Variants in MEGF10 observed in about 807,000 individuals in gnomAD.
MEGF10 encodes the protein multiple epidermal growth factor-like domains protein 10.
MEGF10 carries 86 observed loss-of-function variants against 147.5 expected under a neutral mutation model. The ratio of observed to expected loss-of-function variants is 0.58; its 90% CI spans 0.49 to 0.70. The LOEUF is 0.70. MEGF10 is among the 30% of genes least tolerant of loss of function. The pLI, the probability that MEGF10 is intolerant of heterozygous loss-of-function variation, is 0.00. For synonymous variants in MEGF10, 478 were observed against 525.5 expected, an observed-to-expected ratio of 0.91 and a Z score of 1.24; for missense variants, 1,329 against 1,487.3, an observed-to-expected ratio of 0.89 and a Z score of 1.75.
In MEGF10 at chr5:127,377,907, T is replaced by G. The variant is rs1289663147; in HGVS notation, c.412+7905T>G. ...ATAAGAGTAGATCAGTTGGGTTCAC[T>G]GGTGTTAGGGTCAGGCTGATGATGA... On this transcript the variant is annotated intron_variant, in intron 5 of 24. Transcript: ENST00000503335. 4.6e-5 allele frequency among the ~76,000 whole-genome samples: 7 copies of G among 152,168 alleles called. 1 individual carries two copies. The highest frequency in any genetic ancestry group is 6.5e-5 in the Admixed American group (1 of 15,284).
intron 5 of MEGF10, among the ~76,000 whole-genome samples, chr5:127,372,443 A>G (rs962778795): frequency 2.6e-5 from 4 of 152,216 alleles, no homozygotes; most frequent in Non-Finnish European, 4.4e-5. Context: ...GAAACTGACC[A>G]TAGTATATTA....
intron 7 of MEGF10, among the ~76,000 whole-genome samples, chr5:127,399,422 A>G (rs1311377132): frequency 6.6e-6 from 1 of 152,224 alleles, no homozygotes; most frequent in African/African-American, 2.4e-5. Flanking sequence ...CAAATTAGAC[A>G]TCTGAAATCA....
At chr5:127,265,302 C>T in the MEGF10 span, among the ~76,000 whole-genome samples, 6 of 152,264 alleles carry the variant, frequency 3.9e-5, no homozygotes, top group African/African-American at 1.4e-4. Flanking sequence ...GCCACATTTT[C>T]TTAATCCAGT....
intron 16 of MEGF10, among the ~76,000 whole-genome samples, chr5:127,436,382 AT>A (rs900909922): frequency 2.0e-5 from 3 of 152,100 alleles, no homozygotes; most frequent in African/African-American, 7.2e-5. Context: ...GCTGTACCCC[AT>A]TTTTTAGGAA....
Position 127,440,795 on chromosome 5 carries a change from G to T in MEGF10, c.2290G>T (p.Gly764Ter). 6.2e-7 allele frequency: 1 copy of T among 1,614,112 alleles called. No individual in the cohort carries two copies. The highest frequency in any genetic ancestry group is 8.5e-7 in the Non-Finnish European group (1 of 1,179,976). ...TGCACTGATATGCCAATGTCAAAAC[G>T]GAGCTGACTGCGACCACATTTCTGG... The part of the protein sequence containing the change: ...DCALICQCQN[G>*]ADCDHISGQC... Residue 764 changes from glycine to a stop codon, truncating the protein, a stop_gained, in exon 18 of 25, where the codon GGA (glycine) becomes TGA (stop). Transcript: ENST00000503335. LOFTEE classifies it high-confidence loss of function.
At chr5:127,240,744 C>T in the MEGF10 span, among the ~76,000 whole-genome samples, 5 of 152,120 alleles carry the variant, frequency 3.3e-5, no homozygotes, top group East Asian at 1.9e-4. Context: ...ATATTGTTTT[C>T]TAAAATTAAA....
At chr5:127,427,198 G>C (rs1434701429) in intron 13 of MEGF10, among the ~76,000 whole-genome samples, 1 of 152,194 alleles carries the variant, frequency 6.6e-6, no homozygotes, top group Non-Finnish European at 1.5e-5. Context: ...CAGGCAGGCA[G>C]TGGCAGTTAC....
At chr5:127,247,421 A>AGAAGAGGAAGAGGAAGAG in the MEGF10 span, among the ~76,000 whole-genome samples, 1 of 91,218 alleles carries the variant, frequency 1.1e-5, no homozygotes, top group Non-Finnish European at 2.2e-5. Flanking sequence ...AAGAAGAAGA[A>AGAAGAGGAAGAGGAAGAG]GAAGAAGAAG....
chr5:127,404,725 T>G (rs1186627531), intron 8 of MEGF10, among the ~76,000 whole-genome samples: 1 of 152,074 alleles, frequency 6.6e-6, no homozygotes, highest in African/African-American at 2.4e-5. Context: ...GAAACACTTT[T>G]TTTTTTTTGA....
chr5:127,247,398 GAAGAAGAA>G, the MEGF10 span, among the ~76,000 whole-genome samples: 2 of 47,674 alleles, frequency 4.2e-5, 1 homozygote, highest in East Asian at 9.0e-4. Flanking sequence ...AGAAGAAGAA[GAAGAAGAA>G]GAAGAAGAAG....
chr5:127,246,985 A>AATATATATATATAT, the MEGF10 span, among the ~76,000 whole-genome samples: 1,104 of 104,112 alleles, frequency 0.011, 60 homozygotes, highest in African/African-American at 0.041. Flanking sequence ...GTATAAAAAG[A>AATATATATATATAT]ATATATATAT....
At chr5:127,238,755 C>G in the MEGF10 span, among the ~76,000 whole-genome samples, 1 of 152,130 alleles carries the variant, frequency 6.6e-6, no homozygotes, top group Admixed American at 6.5e-5. Flanking sequence ...TCTATAACCA[C>G]CTTTTGTGAA....
chr5:127,309,802 A>G (rs533759726), intron 1 of MEGF10, among the ~76,000 whole-genome samples: 2 of 152,058 alleles, frequency 1.3e-5, no homozygotes, highest in South Asian at 2.1e-4. Flanking sequence ...TTTTGGGTAT[A>G]TATACCCAGA....
chr5:127,245,576 C>T, the MEGF10 span, among the ~76,000 whole-genome samples: 1,240 of 152,112 alleles, frequency 8.2e-3, 13 homozygotes, highest in African/African-American at 0.023. Context: ...AAACACCAAA[C>T]GCAATGGCAA....
At chr5:127,426,803 C>G (rs755900489) in intron 13 of MEGF10, among the ~76,000 whole-genome samples, 1 of 152,230 alleles carries the variant, frequency 6.6e-6, no homozygotes, top group Admixed American at 6.5e-5. Flanking sequence ...AGCCAGAACA[C>G]CCATTTGCTG....
intron 5 of MEGF10, among the ~76,000 whole-genome samples, chr5:127,376,451 C>T (rs982727344): frequency 2.0e-5 from 3 of 152,058 alleles, no homozygotes; most frequent in Non-Finnish European, 4.4e-5. Context: ...GTAAGGAGTA[C>T]TGCCCATTCC....
Position 127,449,119 on chromosome 5 carries a change from T to A in MEGF10, c.2877T>A (p.Phe959Leu). 8 of 1,614,148 alleles carry A rather than the reference T, an allele frequency of 5.0e-6. No homozygotes were observed. Among genetic ancestry groups the A allele is most frequent in the Non-Finnish European group, 6.8e-6 (8 of 1,179,996 alleles). Residue 959 changes from phenylalanine (F) to leucine (L), a missense_variant, in exon 22 of 25, where the codon TTT becomes TTA. Physicochemically the swap from Phe to Leu is conservative, Grantham distance 22 (BLOSUM62 0). This residue lies in a region of MEGF10 where 343 missense variants were observed against 377.9 expected (regional missense o/e 0.91). Coordinates refer to ENST00000503335, the MANE Select transcript of MEGF10 (RefSeq NM_001256545.2). ...TVTKSKNNQL[F>L]VNLKNVNPGK... ...AACAGTCAAAAAACAATCAACTGTT[T>A]GTGAATCTTAAAAATGTGAACCCTG...
At chr5:127,334,706 T>C (rs1761396988) in intron 2 of MEGF10, among the ~76,000 whole-genome samples, 1 of 152,156 alleles carries the variant, frequency 6.6e-6, no homozygotes, top group Non-Finnish European at 1.5e-5. Flanking sequence ...TAACCTTCTT[T>C]CTGTATTCTA....
intron 18 of MEGF10, among the ~76,000 whole-genome samples, chr5:127,442,629 C>A (rs1416939884): frequency 6.6e-6 from 1 of 152,192 alleles, no homozygotes; most frequent in East Asian, 1.9e-4. Context: ...TCAGTCTAGG[C>A]CCCTTCCAGC....
Sources: gnomAD v4.1 joint callset for allele counts (sites outside exome capture counted in the v4.1 genomes callset) on GRCh38, gnomAD v4.1.1 for gene constraint, gnomAD v4.1.1 regional missense constraint, MANE v1.5 for transcripts, NCBI Gene and HGNC (gene_info 2026-07-23, HGNC 2026-07-21) for gene names.